The following PABPC4L variants were observed in gnomAD, a reference collection of about 807,000 sequenced individuals.
The protein encoded by PABPC4L is polyadenylate-binding protein 4-like.
For missense variants in PABPC4L, 452 were observed against 451.4 expected (o/e 1.00, Z -0.01); for synonymous variants, 169 against 164.1 (o/e 1.03, Z -0.23).
At chr4:134,030,897 C>T in the PABPC4L span, among the ~76,000 whole-genome samples, 3 of 152,088 alleles carry the variant, frequency 2.0e-5, no homozygotes, top group South Asian at 2.1e-4. Context: ...AAATTTTCTT[C>T]GTCTGAAGCA....
the PABPC4L span, among the ~76,000 whole-genome samples, chr4:134,134,495 T>C: frequency 6.6e-6 from 1 of 151,824 alleles, no homozygotes; most frequent in Non-Finnish European, 1.5e-5. Context: ...CAAAGTAATT[T>C]TTTTAAAGGA....
At chr4:134,157,234 T>G in the PABPC4L span, among the ~76,000 whole-genome samples, 1 of 151,650 alleles carries the variant, frequency 6.6e-6, no homozygotes, top group African/African-American at 2.4e-5. Context: ...TACAAATTAT[T>G]GTTTTATTCA....
chr4:134,127,736 A>G, the PABPC4L span, among the ~76,000 whole-genome samples: 1 of 152,082 alleles, frequency 6.6e-6, no homozygotes, highest in African/African-American at 2.4e-5. Context: ...ATATGATAAA[A>G]CAAGGTTCTT....
chr4:134,027,749 A>G, the PABPC4L span, among the ~76,000 whole-genome samples: 14 of 152,176 alleles, frequency 9.2e-5, no homozygotes, highest in Admixed American at 2.6e-4. Context: ...AAATTACAAC[A>G]TCACATTGTA....
chr4:133,967,030 G>A, the PABPC4L span, among the ~76,000 whole-genome samples: 30,616 of 151,284 alleles, frequency 0.2, 3,414 homozygotes, highest in Middle Eastern at 0.26. Context: ...TGTAATTAAG[G>A]TATTAAAGAG....
At chr4:133,984,215 A>G in the PABPC4L span, among the ~76,000 whole-genome samples, 1 of 151,912 alleles carries the variant, frequency 6.6e-6, no homozygotes, top group South Asian at 2.1e-4. Context: ...ATTTCTAAAG[A>G]TGTGTTAAAT....
the PABPC4L span, among the ~76,000 whole-genome samples, chr4:134,020,269 G>A: frequency 3.9e-5 from 6 of 152,160 alleles, 1 homozygote; most frequent in East Asian, 3.9e-4. Flanking sequence ...GAGGAATGGC[G>A]TCCACCCTAG....
At chr4:134,118,124 A>G in the PABPC4L span, among the ~76,000 whole-genome samples, 1 of 151,770 alleles carries the variant, frequency 6.6e-6, no homozygotes, top group Non-Finnish European at 1.5e-5. Context: ...GCCATGAGTA[A>G]TAAACTCCTT....
the PABPC4L span, among the ~76,000 whole-genome samples, chr4:134,169,996 T>C: frequency 6.5e-4 from 99 of 152,276 alleles, no homozygotes; most frequent in Non-Finnish European, 1.1e-3. Flanking sequence ...ACAGTAACTG[T>C]AGTAACTGAT....
At chr4:134,161,598 A>G in the PABPC4L span, among the ~76,000 whole-genome samples, 1 of 152,156 alleles carries the variant, frequency 6.6e-6, no homozygotes, top group Non-Finnish European at 1.5e-5. Flanking sequence ...AAGTAGAAAT[A>G]AAGATCTACC....
At chr4:134,111,960 ATCT>A in the PABPC4L span, among the ~76,000 whole-genome samples, 1 of 151,996 alleles carries the variant, frequency 6.6e-6, no homozygotes, top group Non-Finnish European at 1.5e-5. Context: ...TAACCAGAAA[ATCT>A]TGATGGTTTG....
rs1167962460 is a variant in PABPC4L, at chr4:134,198,189, G to A, written c.*1718C>T. The A allele has an allele frequency of 6.6e-6, 1 of 151,368 alleles. No homozygotes were observed. The highest frequency in any genetic ancestry group is 2.4e-5 in the African/African-American group (1 of 41,308). The allele number at this position is 151,368 out of a possible 1,614,324, so 9.4% of individuals were successfully genotyped here. A position where few individuals can be genotyped will look rare whatever the true frequency, so the allele number is the denominator to read the frequency against. Reference sequence around the variant, plus strand: ...TGACCATAGCATATTGTTTAAGAAAGCAATTTCAAACAACATTTGTAATAT... The same window carrying A: ...TGACCATAGCATATTGTTTAAGAAAACAATTTCAAACAACATTTGTAATAT... On this transcript the variant is annotated 3_prime_UTR_variant, in exon 2 of 2. Coordinates refer to ENST00000421491, the MANE Select transcript of PABPC4L (RefSeq NM_001114734.2).
chr4:133,977,794 T>G, the PABPC4L span, among the ~76,000 whole-genome samples: 1 of 152,296 alleles, frequency 6.6e-6, no homozygotes, highest in African/African-American at 2.4e-5. Context: ...TCTCAATAAA[T>G]ATTGCCATGC....
the PABPC4L span, among the ~76,000 whole-genome samples, chr4:134,148,591 C>T: frequency 6.6e-6 from 1 of 152,062 alleles, no homozygotes; most frequent in Admixed American, 6.6e-5. Context: ...CCTTTGGTTA[C>T]CAATTGCTTT....
the PABPC4L span, among the ~76,000 whole-genome samples, chr4:133,983,886 G>A: frequency 6.6e-6 from 1 of 151,528 alleles, no homozygotes; most frequent in Non-Finnish European, 1.5e-5. Context: ...ATAACTTAAG[G>A]GTGTTTTTGG....
chr4:134,055,182 G>A, the PABPC4L span, among the ~76,000 whole-genome samples: 4 of 151,958 alleles, frequency 2.6e-5, 1 homozygote, highest in Middle Eastern at 6.8e-3. Context: ...CCCTCAATAT[G>A]ACTTTATTTG....
chr4:134,000,278 A>G, the PABPC4L span, among the ~76,000 whole-genome samples: 144 of 152,314 alleles, frequency 9.5e-4, no homozygotes, highest in African/African-American at 3.3e-3. Context: ...TGACAAAAGC[A>G]ATGATTCGTC....
the PABPC4L span, among the ~76,000 whole-genome samples, chr4:134,053,938 A>G: frequency 2.0e-5 from 3 of 151,854 alleles, no homozygotes; most frequent in African/African-American, 2.4e-5. Flanking sequence ...TGGAATGATG[A>G]TATCCACACA....
the PABPC4L span, among the ~76,000 whole-genome samples, chr4:134,152,222 A>T: frequency 6.6e-6 from 1 of 152,042 alleles, no homozygotes; most frequent in Non-Finnish European, 1.5e-5. Flanking sequence ...TTTAGCTTCT[A>T]TAGCTACGAG....
Sources: gnomAD v4.1 joint callset for allele counts (sites outside exome capture counted in the v4.1 genomes callset) on GRCh38, gnomAD v4.1.1 for gene constraint, MANE v1.5 for transcripts, NCBI Gene and HGNC (gene_info 2026-07-23, HGNC 2026-07-21) for gene names.